The following BLOC1S5 variants were observed in gnomAD, a reference collection of about 807,000 sequenced individuals.
BLOC1S5 encodes the protein biogenesis of lysosomal organelles complex 1 subunit 5, also known as biogenesis of lysosome-related organelles complex 1 subunit 5.
A neutral mutation model predicts 24.3 loss-of-function variants in BLOC1S5; 27 were observed. The ratio of observed to expected loss-of-function variants is 1.11; its 90% CI spans 0.82 to 1.53. BLOC1S5 has a LOEUF of 1.53. Among genes scored for constraint, BLOC1S5 ranks in the 40% most tolerant of loss-of-function variants. The pLI, the probability that BLOC1S5 is intolerant of heterozygous loss-of-function variation, is 0.00. For synonymous variants in BLOC1S5, 84 were observed against 74.5 expected (o/e 1.13, Z -0.66); for missense variants, 239 against 229.4 (o/e 1.04, Z -0.27).
chr6:8,049,527 G>A (rs7762614), intron 2 of BLOC1S5, among the ~76,000 whole-genome samples: 73,590 of 151,812 alleles, frequency 0.48, 18,299 homozygotes, highest in East Asian at 0.8. Context: ...ACATTTATAT[G>A]GCTCCAAAAC....
chr6:8,022,653 C>T lies in BLOC1S5; in HGVS notation c.384+3714G>A, dbSNP rs1194052081. ...AGGCTGGAGTGCAGTGGCGGGATCT[C>T]GGCTCACTGCAAGCTCCGCCTCCCG... On this transcript the variant is annotated intron_variant, in intron 4 of 4. Transcript: ENST00000397457. 4.2e-4 allele frequency among the ~76,000 whole-genome samples: 53 copies of T among 126,316 alleles called. 4 individuals are homozygous for T. The highest frequency in any genetic ancestry group is 1.6e-3 in the African/African-American group (48 of 29,438). 82.9% of individuals were successfully genotyped at this position (126,316 alleles called of 152,430 possible).
intron 4 of BLOC1S5, among the ~76,000 whole-genome samples, chr6:8,019,984 T>G (rs1234859270): frequency 6.6e-6 from 1 of 152,208 alleles, no homozygotes; most frequent in Non-Finnish European, 1.5e-5. Context: ...ACACAGTATC[T>G]GAGGGCAGTT....
At chr6:8,021,397 G>A (rs774004067) in intron 4 of BLOC1S5, among the ~76,000 whole-genome samples, 1 of 152,106 alleles carries the variant, frequency 6.6e-6, no homozygotes, top group Non-Finnish European at 1.5e-5. Context: ...TCAGGAGTTC[G>A]AGACCAGCCT....
intron 3 of BLOC1S5, among the ~76,000 whole-genome samples, chr6:8,033,582 G>T (rs199527454): frequency 1.3e-5 from 2 of 152,078 alleles, no homozygotes; most frequent in African/African-American, 2.4e-5. Flanking sequence ...GGACTTCATG[G>T]CTAAAACACC....
intron 2 of BLOC1S5, among the ~76,000 whole-genome samples, chr6:8,055,591 A>G (rs541539694): frequency 6.6e-6 from 1 of 152,244 alleles, no homozygotes; most frequent in East Asian, 1.9e-4. Context: ...GTTTTCCACT[A>G]TTTTTAGAAG....
chr6:8,041,383 G>T (rs1327872208), intron 2 of BLOC1S5, 115 bp from the exon 3 acceptor site: 11 of 1,028,226 alleles, frequency 1.1e-5, no homozygotes, highest in Non-Finnish European at 1.4e-5. Context: ...TGTGATCTCA[G>T]CTCACTGCAA....
chr6:8,039,119 G>A (rs1161130523), intron 3 of BLOC1S5, among the ~76,000 whole-genome samples: 1 of 152,172 alleles, frequency 6.6e-6, no homozygotes, highest in Non-Finnish European at 1.5e-5. Context: ...AAAAATGAAT[G>A]AAATCCCATC....
chr6:8,052,461 G>A lies in BLOC1S5; in HGVS notation c.195+10073C>T, dbSNP rs534839629. ...TAAGAACATTAATGATTCATGGGAAGAGGTCAAAGTATCAACATTAACAGG... is the reference window on the plus strand; with the variant it reads ...TAAGAACATTAATGATTCATGGGAAAAGGTCAAAGTATCAACATTAACAGG... On this transcript the variant is annotated intron_variant, in intron 2 of 4. Transcript: ENST00000397457. Among the ~76,000 whole-genome samples, 3 of 152,290 alleles carry A rather than the reference G, an allele frequency of 2.0e-5. No individual in the cohort carries two copies. The South Asian group carries it at 6.2e-4, about 32-fold the overall frequency.
chr6:8,026,568 G>A (rs1207710262), intron 3 of BLOC1S5, 143 bp from the exon 4 acceptor site: 2 of 644,674 alleles, frequency 3.1e-6, no homozygotes, highest in Non-Finnish European at 5.3e-6. Context: ...TTTTGGTGGT[G>A]GTGGGATGGC....
intron 4 of BLOC1S5, among the ~76,000 whole-genome samples, chr6:8,022,383 C>T (rs950838881): frequency 6.6e-6 from 1 of 151,412 alleles, no homozygotes; most frequent in Non-Finnish European, 1.5e-5. Context: ...CTGAAAAACC[C>T]AACTAAGGTG....
At chr6:8,064,025 G>A (rs1490456945) in intron 1 of BLOC1S5, among the ~76,000 whole-genome samples, 1 of 152,212 alleles carries the variant, frequency 6.6e-6, no homozygotes, top group Non-Finnish European at 1.5e-5. Context: ...GACGGGGGCG[G>A]GCCTGATGGC....
Position 8,026,426 on chromosome 6 carries a change from C to T in BLOC1S5, c.326-1G>A. 1 of 1,612,914 alleles carries T rather than the reference C, an allele frequency of 6.2e-7. No homozygotes were observed. Among genetic ancestry groups the T allele is most frequent in the Non-Finnish European group, 8.5e-7 (1 of 1,179,480 alleles). Reference sequence around the variant, plus strand: ...CAGACTGAGTCATTAGCTGCTTGCACTGAAATGAAAAAGACATGGGTTTTC... The same window carrying T: ...CAGACTGAGTCATTAGCTGCTTGCATTGAAATGAAAAAGACATGGGTTTTC... On this transcript the variant is annotated splice_acceptor_variant, in intron 3 of 4. Transcript: ENST00000397457. LOFTEE classifies it high-confidence loss of function.
intron 2 of BLOC1S5, among the ~76,000 whole-genome samples, chr6:8,060,597 A>G (rs1310809403): frequency 1.3e-5 from 2 of 152,156 alleles, no homozygotes; most frequent in Non-Finnish European, 2.9e-5. Context: ...GGGTTGGGAT[A>G]GGGGTAGTGG....
intron 3 of BLOC1S5, among the ~76,000 whole-genome samples, chr6:8,029,570 C>T (rs76004515): frequency 0.039 from 5,955 of 152,272 alleles, 369 homozygotes; most frequent in African/African-American, 0.13. Flanking sequence ...CTTCCACCCC[C>T]AGTCTTTCAG....
chr6:8,055,817 T>G (rs1228286133), intron 2 of BLOC1S5, among the ~76,000 whole-genome samples: 1 of 152,118 alleles, frequency 6.6e-6, no homozygotes, highest in Admixed American at 6.5e-5. Flanking sequence ...GCCTGTGAAG[T>G]CCCCTCCCAG....
chr6:8,063,976 CAA>C (rs1757354833), intron 1 of BLOC1S5, among the ~76,000 whole-genome samples: 1 of 152,208 alleles, frequency 6.6e-6, no homozygotes, highest in Non-Finnish European at 1.5e-5. Context: ...CGAGGCTGCC[CAA>C]AGGCTCTGCG....
chr6:8,032,887 A>G (rs1011420392), intron 3 of BLOC1S5, among the ~76,000 whole-genome samples: 2 of 152,176 alleles, frequency 1.3e-5, no homozygotes, highest in Non-Finnish European at 2.9e-5. Context: ...ATTGCTACAA[A>G]GAGAATAAAA....
At chr6:8,038,730 C>G (rs533943182) in intron 3 of BLOC1S5, among the ~76,000 whole-genome samples, 2 of 152,292 alleles carry the variant, frequency 1.3e-5, no homozygotes, top group Admixed American at 1.3e-4. Flanking sequence ...ATGATCCACC[C>G]GCCTCGGCCT....
At position 8,026,317 on chromosome 6, in the gene BLOC1S5, A is replaced by G. The variant is rs753134341; in HGVS notation, c.384+50T>C. 8.5e-6 allele frequency: 12 copies of G among 1,415,254 alleles called. No individual in the cohort carries two copies. The African/African-American group carries it at 1.4e-4, about 17-fold the overall frequency. 87.7% of individuals were successfully genotyped at this position (1,415,254 alleles called of 1,614,324 possible). The stretch of plus-strand genomic sequence containing the variant: ...ATCAAAAGCAATTGCTAATAATATG[A>G]TAATAAAGATGCAAGAATTATATGC... On this transcript the variant is annotated intron_variant, in intron 4 of 4. Transcript: ENST00000397457.
Sources: allele counts gnomAD v4.1 joint callset (sites outside exome capture counted in the v4.1 genomes callset), GRCh38; gene constraint gnomAD v4.1.1; transcripts MANE v1.5; gene names NCBI Gene and HGNC (gene_info 2026-07-23, HGNC 2026-07-21).